XNDC1N: variants seen among roughly 807,000 people sequenced by gnomAD.
XNDC1N encodes the protein protein XNDC1N.
chr11:71,920,896 C>T, the XNDC1N span, among the ~76,000 whole-genome samples: 1 of 152,066 alleles, frequency 6.6e-6, no homozygotes, highest in South Asian at 2.1e-4. Flanking sequence ...ACCTGGGAGG[C>T]GGAGGTTGCG....
chr11:71,904,574 G>A, the XNDC1N span, among the ~76,000 whole-genome samples: 5 of 152,074 alleles, frequency 3.3e-5, no homozygotes, highest in African/African-American at 1.2e-4. Context: ...ACACCCCTGT[G>A]ACATATTAGG....
chr11:71,908,702 C>G, the XNDC1N span, among the ~76,000 whole-genome samples: 2 of 152,204 alleles, frequency 1.3e-5, no homozygotes, highest in African/African-American at 4.8e-5. Context: ...TTGCTCCAAG[C>G]TGTTATCCAG....
chr11:71,915,974 CGT>C, the XNDC1N span: 49 of 629,144 alleles, frequency 7.8e-5, no homozygotes, highest in Admixed American at 1.9e-4. Context: ...TGTGTGTGTA[CGT>C]GTGTGTGTGT....
chr11:71,871,690 T>C, the XNDC1N span, among the ~76,000 whole-genome samples: 2,263 of 149,216 alleles, frequency 0.015, no homozygotes, highest in African/African-American at 0.05. Flanking sequence ...ATAAATAAGA[T>C]AACAGGCAAA....
the XNDC1N span, among the ~76,000 whole-genome samples, chr11:71,886,668 C>A: frequency 2.6e-5 from 4 of 152,112 alleles, no homozygotes; most frequent in South Asian, 4.1e-4. Context: ...GGCTTTAGTC[C>A]GTCAAAGCGC....
chr11:71,883,510 C>T, the XNDC1N span, among the ~76,000 whole-genome samples: 7 of 152,210 alleles, frequency 4.6e-5, no homozygotes, highest in South Asian at 2.1e-4. Context: ...TTCTTCAATA[C>T]GTGGTACTAA....
At chr11:71,871,950 G>C in the XNDC1N span, among the ~76,000 whole-genome samples, 1 of 152,020 alleles carries the variant, frequency 6.6e-6, no homozygotes, top group Admixed American at 6.6e-5. Context: ...AAAATAGTTT[G>C]GCCTTTTCTT....
the XNDC1N span, among the ~76,000 whole-genome samples, chr11:71,910,700 G>A: frequency 6.6e-6 from 1 of 152,220 alleles, no homozygotes; most frequent in African/African-American, 2.4e-5. Flanking sequence ...TCCAACAGGG[G>A]TCGGAACACA....
chr11:71,872,867 G>A, the XNDC1N span, among the ~76,000 whole-genome samples: 7 of 152,160 alleles, frequency 4.6e-5, no homozygotes, highest in South Asian at 2.1e-4. Flanking sequence ...TTATTCATTC[G>A]TATTTCCCTG....
chr11:71,923,311 G>A, the XNDC1N span: 2 of 702,904 alleles, frequency 2.8e-6, no homozygotes, highest in Non-Finnish European at 5.2e-6. Context: ...TAATATACCT[G>A]AGAAGAAAAT....
the XNDC1N span, among the ~76,000 whole-genome samples, chr11:71,920,619 G>T: frequency 6.6e-6 from 1 of 152,070 alleles, no homozygotes; most frequent in Admixed American, 6.6e-5. Context: ...TGTTTTCAAG[G>T]ACATTTATTT....
the XNDC1N span, chr11:71,919,033 A>G: frequency 2.7e-5 from 19 of 702,438 alleles, no homozygotes; most frequent in Admixed American, 3.8e-4. Context: ...GATCCTAAGT[A>G]AGAGAGGAGG....
At chr11:71,907,543 C>T in the XNDC1N span, among the ~76,000 whole-genome samples, 3 of 152,046 alleles carry the variant, frequency 2.0e-5, no homozygotes, top group African/African-American at 7.2e-5. Flanking sequence ...TCACCTCCCC[C>T]TCTGGAGATT....
chr11:71,910,562 C>A, the XNDC1N span, among the ~76,000 whole-genome samples: 2 of 152,182 alleles, frequency 1.3e-5, no homozygotes, highest in South Asian at 2.1e-4. Flanking sequence ...TGCTGGGACA[C>A]CCCACGGCAT....
the XNDC1N span, among the ~76,000 whole-genome samples, chr11:71,875,658 T>C: frequency 3.9e-3 from 596 of 151,932 alleles, 9 homozygotes; most frequent in African/African-American, 0.014. Flanking sequence ...GGAAAGTCAA[T>C]TTTGTGTTTT....
At chr11:71,887,982 C>A in the XNDC1N span, among the ~76,000 whole-genome samples, 604 of 152,226 alleles carry the variant, frequency 4.0e-3, 4 homozygotes, top group Admixed American at 6.0e-3. Flanking sequence ...ACCGGGCTTC[C>A]CCAAGGGGTC....
At chr11:71,908,036 A>C in the XNDC1N span, among the ~76,000 whole-genome samples, 1 of 152,244 alleles carries the variant, frequency 6.6e-6, no homozygotes, top group Admixed American at 6.5e-5. Context: ...CTGGTTGTAC[A>C]CCTACTGCGA....
the XNDC1N span, among the ~76,000 whole-genome samples, chr11:71,925,612 GAT>G: frequency 6.6e-6 from 1 of 152,144 alleles, no homozygotes; most frequent in Non-Finnish European, 1.5e-5. Flanking sequence ...AGATTTTAGA[GAT>G]ATAAAAATAA....
At chr11:71,893,221 C>T in the XNDC1N span, among the ~76,000 whole-genome samples, 1 of 152,094 alleles carries the variant, frequency 6.6e-6, no homozygotes, top group Non-Finnish European at 1.5e-5. Context: ...ACGTTTTGGT[C>T]TTCTAATATT....
Sources: allele counts gnomAD v4.1 joint callset (sites outside exome capture counted in the v4.1 genomes callset), GRCh38; gene constraint gnomAD v4.1.1; transcripts MANE v1.5; gene names NCBI Gene and HGNC (gene_info 2026-07-23, HGNC 2026-07-21).